Variants in CNTNAP4 observed in about 807,000 individuals in gnomAD.
The protein encoded by CNTNAP4 is contactin-associated protein-like 4.
CNTNAP4 carries 98 observed loss-of-function variants against 148.4 expected under a neutral mutation model. The observed-to-expected ratio is 0.66, with a 90% CI of 0.56 to 0.78. The LOEUF (loss-of-function observed/expected upper bound fraction) is 0.78. CNTNAP4 is among the 30% of genes least tolerant of loss of function. CNTNAP4 has a pLI of 0.00. For missense variants in CNTNAP4, 1,935 were observed against 1,565.6 expected, an observed-to-expected ratio of 1.24 and a Z score of -3.98; for synonymous variants, 730 against 565.1, an observed-to-expected ratio of 1.29 and a Z score of -4.14.
intron 1 of CNTNAP4, among the ~76,000 whole-genome samples, chr16:76,306,057 C>T (rs866331227): frequency 6.6e-6 from 1 of 152,132 alleles, no homozygotes; most frequent in Non-Finnish European, 1.5e-5. Context: ...ATCCAGTCCA[C>T]CACTGGTGGG....
At chr16:76,518,320 G>A (rs1195372111) in intron 15 of CNTNAP4, among the ~76,000 whole-genome samples, 3 of 151,868 alleles carry the variant, frequency 2.0e-5, no homozygotes, top group African/African-American at 7.3e-5. Flanking sequence ...TAGAGACAGG[G>A]TTTCACCATG....
chr16:76,501,867 G>A (rs1228836191), intron 15 of CNTNAP4, among the ~76,000 whole-genome samples: 3 of 152,068 alleles, frequency 2.0e-5, no homozygotes, highest in Non-Finnish European at 2.9e-5. Context: ...TCAGGAGATC[G>A]AGACCATCCC....
At chr16:76,310,480 A>G (rs1052892680) in intron 1 of CNTNAP4, among the ~76,000 whole-genome samples, 1 of 152,206 alleles carries the variant, frequency 6.6e-6, no homozygotes, top group Non-Finnish European at 1.5e-5. Context: ...AGGGAAGGCC[A>G]TTCCTTAATC....
Position 76,498,487 on chromosome 16 carries a change from G to T in CNTNAP4, c.2238-80G>T. 7.8e-6 allele frequency: 10 copies of T among 1,274,090 alleles called. No individual in the cohort carries two copies. In the South Asian group the frequency reaches 1.5e-4, roughly 20 times the overall value. The allele number at this position is 1,274,090 out of a possible 1,614,324, so 78.9% of individuals were successfully genotyped here. On this transcript the variant is annotated intron_variant, in intron 14 of 23. Transcript: ENST00000611870. ...ATACTCTTTTGTAGGTGCAAATTTA[G>T]TTCAGAACATCTTGGTTTTGCAATG...
chr16:76,489,561 A>G (rs1404091957), intron 12 of CNTNAP4, 125 bp from the exon 13 acceptor site: 2 of 481,688 alleles, frequency 4.2e-6, no homozygotes, highest in Admixed American at 8.0e-5. Flanking sequence ...TCTACCTCTC[A>G]GGGAAGTTTG....
At chr16:76,342,480 T>C (rs1264062186) in intron 2 of CNTNAP4, among the ~76,000 whole-genome samples, 2 of 140,544 alleles carry the variant, frequency 1.4e-5, no homozygotes, top group African/African-American at 5.4e-5. Context: ...TTTTTTTTTT[T>C]TTTTTTTTTT....
At chr16:76,308,023 T>G (rs1380372526) in intron 1 of CNTNAP4, among the ~76,000 whole-genome samples, 1 of 152,246 alleles carries the variant, frequency 6.6e-6, no homozygotes, top group Non-Finnish European at 1.5e-5. Flanking sequence ...TATAGGCTGC[T>G]GTCTAAATGA....
chr16:76,512,532 T>C (rs1388177066), intron 15 of CNTNAP4, among the ~76,000 whole-genome samples: 1 of 152,116 alleles, frequency 6.6e-6, no homozygotes, highest in African/African-American at 2.4e-5. Flanking sequence ...CTGGCATTAA[T>C]TGAAATGGGG....
Position 76,506,269 on chromosome 16 carries a change from T to C in CNTNAP4, c.2365+7575T>C, listed in dbSNP as rs2082830551. The stretch of plus-strand genomic sequence containing the variant: ...CACTTTAGCATGTATAAAAATTACT[T>C]GGAGAGCTTGTTGTAGCACAGATTT... On this transcript the variant is annotated intron_variant, in intron 15 of 23. Transcript: ENST00000611870. 2.1e-5 allele frequency among the ~76,000 whole-genome samples: 2 copies of C among 95,068 alleles called. 1 individual carries two copies. The highest frequency in any genetic ancestry group is 8.6e-4 in the South Asian group (2 of 2,324). The allele number at this position is 95,068 out of a possible 152,430, so 62.4% of individuals were successfully genotyped here. A position where few individuals can be genotyped will look rare whatever the true frequency, so the allele number is the denominator to read the frequency against.
Position 76,553,419 on chromosome 16 carries a change from T to A in CNTNAP4, c.3579T>A (p.Val1193=). Reference sequence around the variant, plus strand: ...CCAGCCACCCAGACCCTGTCACTGTTACAGGACACGTGACTGAGTCCAGCT... The same window carrying A: ...CCAGCCACCCAGACCCTGTCACTGTAACAGGACACGTGACTGAGTCCAGCT... ...LHPSHPDPVT[V]TGHVTESSCM... is the part of the protein sequence containing the mutation. Residue 1193 remains valine, a synonymous_variant, in exon 22 of 24, where the codon GTT becomes GTA. Transcript: ENST00000611870. 6.2e-7 allele frequency: 1 copy of A among 1,612,672 alleles called. No homozygotes were observed. Among genetic ancestry groups the A allele is most frequent in the Non-Finnish European group, 8.5e-7 (1 of 1,179,344 alleles).
Position 76,290,776 on chromosome 16 carries a change from A to G in CNTNAP4, c.85+13029A>G, listed in dbSNP as rs184766283. ...CCCTTTGGTGCCATATTAGTCTTCT[A>G]TGGCTGCCATAACCGAATACCACAG... On this transcript the variant is annotated intron_variant, in intron 1 of 23. Coordinates refer to ENST00000611870, the MANE Select transcript of CNTNAP4 (RefSeq NM_033401.5). Among the ~76,000 whole-genome samples the G allele has an allele frequency of 8.5e-5, 13 of 152,266 alleles. 1 individual carries two copies. In the East Asian group the frequency reaches 2.5e-3, roughly 29 times the overall value.
chr16:76,415,574 T>C (rs536688319), intron 3 of CNTNAP4, among the ~76,000 whole-genome samples: 37 of 151,136 alleles, frequency 2.4e-4, no homozygotes, highest in African/African-American at 8.0e-4. Context: ...AGAAAGTATT[T>C]AGTTGCCATA....
intron 13 of CNTNAP4, 137 bp from the exon 14 acceptor site, chr16:76,494,773 A>G (rs148438111): frequency 3.3e-6 from 3 of 911,980 alleles, no homozygotes; most frequent in East Asian, 2.6e-5. Flanking sequence ...ACTGTTTTGC[A>G]TATCCTTAAA....
At chr16:76,287,487 A>G (rs989212722) in intron 1 of CNTNAP4, 8 of 152,224 alleles carry the variant, frequency 5.3e-5, no homozygotes, top group African/African-American at 1.9e-4. Flanking sequence ...TATAATTGCA[A>G]CATGAACCAG....
rs185254128 is a variant in CNTNAP4 at position 76,290,221 on chromosome 16, A to G, written c.85+12474A>G. Among the ~76,000 whole-genome samples the G allele has an allele frequency of 2.4e-3, 371 of 152,246 alleles. 1 individual carries two copies. The highest frequency in any genetic ancestry group is 7.9e-3 in the African/African-American group (330 of 41,546). On this transcript the variant is annotated intron_variant, in intron 1 of 23. Transcript: ENST00000611870. ...AGCTACTGAGTAAGGAAGAACAAAA[A>G]TGAGGCTTAGACCCAATGACTCCAA...
Position 76,462,116 on chromosome 16 carries a change from G to A in CNTNAP4, c.1483+11G>A. The A allele has an allele frequency of 6.2e-7, 1 of 1,609,134 alleles. No homozygotes were observed. Reference sequence around the variant, plus strand: ...CCTATTATTTTGGAGGTAAGAATAGGTGCCAGGCTCTATGAGCAACTGAAC... The same window carrying A: ...CCTATTATTTTGGAGGTAAGAATAGATGCCAGGCTCTATGAGCAACTGAAC... On this transcript the variant is annotated intron_variant, in intron 9 of 23. Coordinates refer to ENST00000611870, the MANE Select transcript of CNTNAP4 (RefSeq NM_033401.5).
intron 2 of CNTNAP4, among the ~76,000 whole-genome samples, chr16:76,337,193 C>T (rs181862269): frequency 4.5e-4 from 69 of 152,262 alleles, no homozygotes; most frequent in African/African-American, 1.6e-3. Context: ...ACACACTAAG[C>T]GGTTTTTGGA....
chr16:76,328,153 T>C (rs142795115), intron 2 of CNTNAP4, among the ~76,000 whole-genome samples: 19 of 152,362 alleles, frequency 1.2e-4, no homozygotes, highest in African/African-American at 4.1e-4. Flanking sequence ...ACTTCAACAC[T>C]GTACATTATT....
chr16:76,475,669 GT>G (rs2081548637), intron 10 of CNTNAP4, among the ~76,000 whole-genome samples: 2 of 152,150 alleles, frequency 1.3e-5, no homozygotes, highest in East Asian at 3.9e-4. Flanking sequence ...TTGAATTCGT[GT>G]TATGTCACTG....
Sources: allele counts gnomAD v4.1 joint callset (sites outside exome capture counted in the v4.1 genomes callset), GRCh38; gene constraint gnomAD v4.1.1; transcripts MANE v1.5; gene names NCBI Gene and HGNC (gene_info 2026-07-23, HGNC 2026-07-21).